ESRRB: variants seen among roughly 807,000 people sequenced by gnomAD.
The protein encoded by ESRRB is steroid hormone receptor ERR2.
In ESRRB, 16 loss-of-function variants were observed where a neutral mutation model predicts 46.0. The observed-to-expected ratio is 0.35, with a 90% CI of 0.24 to 0.53. The LOEUF is 0.53. ESRRB is among the 20% of genes least tolerant of loss of function. ESRRB has a pLI of 0.93. For missense variants in ESRRB, 488 were observed against 607.4 expected (o/e 0.80, Z 2.07); for synonymous variants, 246 against 259.6 (o/e 0.95, Z 0.50).
At chr14:76,351,379 G>A (rs1186387197) in intron 1 of ESRRB, among the ~76,000 whole-genome samples, 1 of 151,936 alleles carries the variant, frequency 6.6e-6, no homozygotes, top group Non-Finnish European at 1.5e-5. Context: ...CACTTATGGT[G>A]GTTGCTGGCA....
chr14:76,409,671 T>C (rs976785226), intron 1 of ESRRB, among the ~76,000 whole-genome samples: 1 of 151,978 alleles, frequency 6.6e-6, no homozygotes, highest in Non-Finnish European at 1.5e-5. Context: ...ATTCCCTGCA[T>C]CTAGCAACTG....
intron 1 of ESRRB, among the ~76,000 whole-genome samples, chr14:76,396,322 G>A (rs568028138): frequency 2.0e-5 from 3 of 152,210 alleles, no homozygotes; most frequent in South Asian, 2.1e-4. Flanking sequence ...TCACATGTAT[G>A]GCTTTTTAAG....
intron 1 of ESRRB, among the ~76,000 whole-genome samples, chr14:76,319,446 G>A (rs954826134): frequency 2.0e-5 from 3 of 152,118 alleles, no homozygotes; most frequent in East Asian, 3.9e-4. Flanking sequence ...TTGTGCACAC[G>A]TGTGCACATT....
chr14:76,319,843 G>A (rs1367861083), intron 1 of ESRRB, among the ~76,000 whole-genome samples: 1 of 152,102 alleles, frequency 6.6e-6, no homozygotes, highest in Non-Finnish European at 1.5e-5. Flanking sequence ...TAGTCTTGGT[G>A]GACCGGGGCA....
At chr14:76,440,549 CTTCCTTCA>C (rs1159477289) in intron 2 of ESRRB, among the ~76,000 whole-genome samples, 1 of 151,538 alleles carries the variant, frequency 6.6e-6, no homozygotes, top group South Asian at 2.1e-4. Context: ...TAAGACCGAC[CTTCCTTCA>C]TTCCTTCCTT....
chr14:76,325,360 G>C (rs1883916792), intron 1 of ESRRB, among the ~76,000 whole-genome samples: 1 of 152,148 alleles, frequency 6.6e-6, no homozygotes, highest in Admixed American at 6.5e-5. Flanking sequence ...AATTAGTTAG[G>C]GCAGGAGTGG....
chr14:76,340,883 G>A (rs906621765), intron 1 of ESRRB, among the ~76,000 whole-genome samples: 1 of 152,198 alleles, frequency 6.6e-6, no homozygotes, highest in Non-Finnish European at 1.5e-5. Flanking sequence ...GAACTGCAAT[G>A]TCTGCTCTCT....
intron 1 of ESRRB, among the ~76,000 whole-genome samples, chr14:76,358,416 G>GA (rs1388370834): frequency 7.0e-6 from 1 of 143,148 alleles, no homozygotes; most frequent in African/African-American, 2.6e-5. Context: ...AGAAAGAAAA[G>GA]AAAAGAAAAA....
rs1403348383 is a variant in ESRRB at position 76,402,170 on chromosome 14, C to T, written c.50+25719C>T. ...AGGGCAACCTGCTTTACTTAATTTG[C>T]TGATTTCAATGCTAATCTCATCCAA... On this transcript the variant is annotated intron_variant, in intron 1 of 6. Transcript: ENST00000644823. Among the ~76,000 whole-genome samples the T allele has an allele frequency of 1.3e-4, 20 of 152,212 alleles. 1 individual carries two copies. The highest frequency in any genetic ancestry group is 1.3e-3 in the Admixed American group (20 of 15,284).
chr14:76,391,653 G>A (rs936204229), intron 1 of ESRRB, among the ~76,000 whole-genome samples: 2 of 152,230 alleles, frequency 1.3e-5, no homozygotes, highest in Non-Finnish European at 2.9e-5. Flanking sequence ...GGCCCATCTG[G>A]TTCTGATTCG....
intron 1 of ESRRB, among the ~76,000 whole-genome samples, chr14:76,395,063 T>C (rs1031671758): frequency 6.6e-6 from 1 of 152,160 alleles, no homozygotes; most frequent in African/African-American, 2.4e-5. Flanking sequence ...TGTAGGCTCT[T>C]CTTTGCCCTT....
Position 76,357,906 on chromosome 14 carries a change from A to G in ESRRB, c.2+46990A>G, listed in dbSNP as rs368842944. Among the ~76,000 whole-genome samples, 7 of 152,338 alleles carry G rather than the reference A, an allele frequency of 4.6e-5. No homozygotes were observed. In the East Asian group the frequency reaches 9.6e-4, roughly 21 times the overall value. ...TAAAATACAAAACTACATAAAATAT[A>G]TGTGCAGAAGGGAATGAGCAACACT... On this transcript the variant is annotated intron_variant, in intron 1 of 6. Coordinates refer to the ESRRB transcript ENST00000512784.
rs1004078037 is a variant in ESRRB at position 76,482,488 on chromosome 14, C to A, written c.689-110C>A. 4 of 1,121,098 alleles carry A rather than the reference C, an allele frequency of 3.6e-6. No individual in the cohort carries two copies. In the African/African-American group the frequency reaches 4.6e-5, roughly 13 times the overall value. The allele number at this position is 1,121,098 out of a possible 1,614,324, so 69.4% of individuals were successfully genotyped here. ...GAGGGGAGATTATAGCCGCTTTGAC[C>A]TTCCTGGAGCTCTTAGGAACCCAAC... On this transcript the variant is annotated intron_variant, in intron 4 of 6. Transcript: ENST00000644823. This position sits in a 1 kb window ranked among gnomAD's most constrained non-coding sequence, Gnocchi z 4.3.
chr14:76,377,156 T>C (rs558412349), intron 1 of ESRRB, among the ~76,000 whole-genome samples: 1 of 152,220 alleles, frequency 6.6e-6, no homozygotes, highest in South Asian at 2.1e-4. Context: ...GCGCTCGCGG[T>C]GCCAGAACCT....
intron 5 of ESRRB, among the ~76,000 whole-genome samples, chr14:76,486,001 C>T (rs1479694459): frequency 1.3e-5 from 2 of 152,190 alleles, no homozygotes; most frequent in Admixed American, 6.5e-5. Flanking sequence ...CCAGGGGGAG[C>T]TTGGTTCACT....
At chr14:76,488,083 C>G (rs1223903831) in intron 5 of ESRRB, among the ~76,000 whole-genome samples, 1 of 152,146 alleles carries the variant, frequency 6.6e-6, no homozygotes, top group Non-Finnish European at 1.5e-5. Flanking sequence ...CTATCCCTGT[C>G]CCCTCCCATT....
chr14:76,404,171 CAT>C (rs1886067926), intron 1 of ESRRB, among the ~76,000 whole-genome samples: 1 of 151,996 alleles, frequency 6.6e-6, no homozygotes, highest in African/African-American at 2.4e-5. Flanking sequence ...GGAAGAGTCT[CAT>C]GTGTATGTGT....
intron 1 of ESRRB, among the ~76,000 whole-genome samples, chr14:76,402,798 A>G (rs1405417759): frequency 6.6e-6 from 1 of 152,052 alleles, no homozygotes; most frequent in Non-Finnish European, 1.5e-5. Flanking sequence ...CCTCCTAAGT[A>G]GCTGGGACTA....
chr14:76,406,810 A>T (rs574784580), intron 1 of ESRRB, among the ~76,000 whole-genome samples: 3 of 152,358 alleles, frequency 2.0e-5, no homozygotes, highest in African/African-American at 7.2e-5. Flanking sequence ...CTAACACAAG[A>T]TGTAGTGCTA....
Sources: allele counts gnomAD v4.1 joint callset (sites outside exome capture counted in the v4.1 genomes callset), GRCh38; gene constraint gnomAD v4.1.1; non-coding constraint Gnocchi (gnomAD v3.1); transcripts MANE v1.5; gene names NCBI Gene and HGNC (gene_info 2026-07-23, HGNC 2026-07-21).